Variants in TLN2 observed in about 807,000 individuals in gnomAD.
The protein encoded by TLN2 is talin 2, also known as talin-2.
TLN2 carries 118 observed loss-of-function variants against 294.7 expected under a neutral mutation model. The ratio of observed to expected loss-of-function variants is 0.40; its 90% CI spans 0.34 to 0.47. The LOEUF is 0.47. TLN2 is among the 20% of genes least tolerant of loss of function. The probability of loss-of-function intolerance (pLI) is 0.84; values close to 1 mark genes in which losing one functional copy is unlikely to be tolerated. For missense variants in TLN2, 3,083 were observed against 3,282.2 expected (o/e 0.94, Z 1.48); for synonymous variants, 1,431 against 1,304.5 (o/e 1.10, Z -2.09).
At chr15:62,691,519 G>A (rs141985385) in intron 12 of TLN2, among the ~76,000 whole-genome samples, 187 of 152,162 alleles carry the variant, frequency 1.2e-3, no homozygotes, top group Non-Finnish European at 2.1e-3. Context: ...CAATTTATTG[G>A]TGAAGCATTT....
At chr15:62,647,165 C>G in intron 3 of TLN2, 110 bp from the exon 4 acceptor site, 1 of 1,057,756 alleles carries the variant, frequency 9.5e-7, no homozygotes, top group East Asian at 2.5e-5. Flanking sequence ...CTGTTTTATT[C>G]TCTTTCCATG....
intron 32 of TLN2, among the ~76,000 whole-genome samples, chr15:62,744,272 G>A (rs2061490279): frequency 6.6e-6 from 1 of 152,084 alleles, no homozygotes; most frequent in African/African-American, 2.4e-5. Flanking sequence ...CCTGCCGGGT[G>A]TCCCGCCCTG....
chr15:62,401,344 C>T (rs955677082), intron 1 of TLN2, among the ~76,000 whole-genome samples: 1 of 152,188 alleles, frequency 6.6e-6, no homozygotes, highest in African/African-American at 2.4e-5. Flanking sequence ...GGCTGGAGTG[C>T]CAGCCACTTA....
chr15:62,507,313 T>G (rs2039676374), intron 1 of TLN2, among the ~76,000 whole-genome samples: 1 of 152,210 alleles, frequency 6.6e-6, no homozygotes, highest in Non-Finnish European at 1.5e-5. Context: ...GTGGGGGTAT[T>G]CTGCTATGGA....
intron 1 of TLN2, among the ~76,000 whole-genome samples, chr15:62,492,701 A>T (rs955022242): frequency 1.3e-5 from 2 of 152,172 alleles, no homozygotes; most frequent in African/African-American, 4.8e-5. Flanking sequence ...GAATGTCCCA[A>T]ACTGTGAAAT....
intron 39 of TLN2, among the ~76,000 whole-genome samples, 174 bp downstream of exon 39, chr15:62,762,627 C>A (rs1289634851): frequency 6.6e-6 from 1 of 152,228 alleles, no homozygotes; most frequent in African/African-American, 2.4e-5. Flanking sequence ...TAAGTACTTA[C>A]CATATACCAA....
chr15:62,643,882 G>A (rs1476444020), intron 3 of TLN2, among the ~76,000 whole-genome samples: 1 of 152,112 alleles, frequency 6.6e-6, no homozygotes, highest in Non-Finnish European at 1.5e-5. Context: ...ATTATGTATG[G>A]TGAGGAAGGG....
At chr15:62,512,280 C>G (rs942529081) in intron 1 of TLN2, among the ~76,000 whole-genome samples, 4 of 152,142 alleles carry the variant, frequency 2.6e-5, no homozygotes, top group Admixed American at 6.6e-5. Context: ...CTTGGGCCCT[C>G]TGACTGAGTC....
chr15:62,619,920 A>T (rs1449771095), intron 3 of TLN2, among the ~76,000 whole-genome samples: 2 of 152,180 alleles, frequency 1.3e-5, no homozygotes, highest in African/African-American at 4.8e-5. Context: ...AATGGCAGAG[A>T]TTGAAGGTCT....
chr15:62,461,079 G>A (rs550614466), intron 1 of TLN2, among the ~76,000 whole-genome samples: 25 of 152,238 alleles, frequency 1.6e-4, no homozygotes, highest in African/African-American at 5.3e-4. Flanking sequence ...CTCCCAAGTA[G>A]CAGGGACTAC....
At chr15:62,480,399 A>T (rs183730722) in intron 1 of TLN2, among the ~76,000 whole-genome samples, 2 of 152,154 alleles carry the variant, frequency 1.3e-5, no homozygotes, top group Non-Finnish European at 2.9e-5. Flanking sequence ...TTTTTATTAG[A>T]GACAGAGTTT....
intron 1 of TLN2, among the ~76,000 whole-genome samples, chr15:62,581,609 C>G (rs1482487610): frequency 6.6e-6 from 1 of 152,156 alleles, no homozygotes; most frequent in Non-Finnish European, 1.5e-5. Flanking sequence ...TTGTTTCATT[C>G]TCCAATTGTT....
At chr15:62,485,898 TG>T (rs1387959751) in intron 1 of TLN2, among the ~76,000 whole-genome samples, 1 of 152,136 alleles carries the variant, frequency 6.6e-6, no homozygotes, top group Non-Finnish European at 1.5e-5. Context: ...GAATTTAATA[TG>T]GGGTGCTTTG....
intron 1 of TLN2, among the ~76,000 whole-genome samples, chr15:62,506,102 G>A (rs1006662056): frequency 1.3e-5 from 2 of 152,212 alleles, no homozygotes; most frequent in East Asian, 1.9e-4. Flanking sequence ...TATTCTGGGA[G>A]TACAAGTTTC....
intron 22 of TLN2, among the ~76,000 whole-genome samples, chr15:62,713,335 C>T (rs28649407): frequency 0.042 from 6,315 of 151,794 alleles, 428 homozygotes; most frequent in African/African-American, 0.14. Context: ...CCTCATCTCC[C>T]TGGCTTTGGG....
At chr15:62,684,268 A>G (rs2057105675) in intron 11 of TLN2, among the ~76,000 whole-genome samples, 1 of 152,260 alleles carries the variant, frequency 6.6e-6, no homozygotes, top group African/African-American at 2.4e-5. Flanking sequence ...TGAAGGAAGC[A>G]GCTGCAAACC....
At chr15:62,798,854 C>T (rs914944197) in intron 48 of TLN2, among the ~76,000 whole-genome samples, 3 of 152,196 alleles carry the variant, frequency 2.0e-5, no homozygotes, top group Non-Finnish European at 4.4e-5. Flanking sequence ...TTTCTGATAA[C>T]ATCAGAGTCC....
Position 62,561,855 on chromosome 15 carries a change from T to C in TLN2, c.-237-27832T>C, listed in dbSNP as rs944051529. Among the ~76,000 whole-genome samples, 9 of 152,092 alleles carry C rather than the reference T, an allele frequency of 5.9e-5. No individual in the cohort carries two copies. The East Asian group carries it at 1.2e-3, about 20-fold the overall frequency. On this transcript the variant is annotated intron_variant, in intron 1 of 58. Coordinates refer to ENST00000636159, the MANE Select transcript of TLN2 (RefSeq NM_015059.3). ...CCTGCTCCCTACCCCACTTTTTCTT[T>C]CCTTTTTTTCCCATCTTCAGATTTT... is the stretch of plus-strand genomic sequence containing the variant.
chr15:62,838,929 C>T lies in TLN2; in HGVS notation c.7448C>T (p.Ala2483Val), dbSNP rs1323591225. The change falls in exon 58 of 59, where the codon GCT becomes GTT. Residue 2483 changes from alanine (A) to valine (V), a missense_variant. Coordinates refer to ENST00000636159, the MANE Select transcript of TLN2 (RefSeq NM_015059.3). Reference sequence around the variant, plus strand: ...GCCCAGAAGGCAGCTTTTGGCAAAGCTGATGACGACGATGTTGTAGTGAAA... The same window carrying T: ...GCCCAGAAGGCAGCTTTTGGCAAAGTTGATGACGACGATGTTGTAGTGAAA... ...RAAQKAAFGK[A>V]DDDDVVVKTK... 6.2e-7 allele frequency: 1 copy of T among 1,613,724 alleles called. No individual in the cohort carries two copies. Among genetic ancestry groups the T allele is most frequent in the Non-Finnish European group, 8.5e-7 (1 of 1,180,028 alleles).
Sources: allele counts gnomAD v4.1 joint callset (sites outside exome capture counted in the v4.1 genomes callset), GRCh38; gene constraint gnomAD v4.1.1; transcripts MANE v1.5; gene names NCBI Gene and HGNC (gene_info 2026-07-23, HGNC 2026-07-21).